Variants in FNIP2 observed in about 807,000 individuals in gnomAD.
FNIP2 encodes the protein folliculin-interacting protein 2.
FNIP2 carries 32 observed loss-of-function variants against 108.7 expected under a neutral mutation model. The ratio of observed to expected loss-of-function variants is 0.29; its 90% CI spans 0.22 to 0.40. FNIP2 has a LOEUF of 0.40. Ranked by LOEUF, FNIP2 falls within the 10% of genes least tolerant of loss-of-function variation. The pLI is 1.00. For synonymous variants in FNIP2, 480 were observed against 496.7 expected (o/e 0.97, Z 0.45); for missense variants, 1,202 against 1,381.6 (o/e 0.87, Z 2.06).
Position 158,825,940 on chromosome 4 carries a change from G to T in FNIP2, c.132G>T (p.Leu44=). Residue 44 remains leucine, a synonymous_variant, in exon 2 of 17, where the codon CTG becomes CTT. Coordinates refer to ENST00000264433, the MANE Select transcript of FNIP2 (RefSeq NM_020840.3). ...AFSWSCSEFD[L]NEIRLIVYQD... ...GTTGGTCATGTTCGGAGTTTGACCTGAATGAGATTCGCCTGATAGTTTACC... is the reference window on the plus strand; with the variant it reads ...GTTGGTCATGTTCGGAGTTTGACCTTAATGAGATTCGCCTGATAGTTTACC... 1.2e-6 allele frequency: 2 copies of T among 1,608,054 alleles called. No homozygotes were observed. The highest frequency in any genetic ancestry group is 2.2e-5 in the South Asian group (2 of 90,996).
At chr4:158,798,555 A>G (rs1776662977) in intron 1 of FNIP2, among the ~76,000 whole-genome samples, 1 of 152,188 alleles carries the variant, frequency 6.6e-6, no homozygotes, top group Non-Finnish European at 1.5e-5. Flanking sequence ...TGCCACTATC[A>G]TGTAAACTTC....
chr4:158,806,072 A>G (rs1776939682), intron 1 of FNIP2: 7 of 992,104 alleles, frequency 7.1e-6, no homozygotes, highest in Admixed American at 5.1e-5. Flanking sequence ...GAAAGGGGAA[A>G]TTAGTACACT....
At chr4:158,834,007 A>T in intron 6 of FNIP2, 1 of 591,530 alleles carries the variant, frequency 1.7e-6, no homozygotes. Flanking sequence ...TTGTGATCAC[A>T]GATATTGGTT....
intron 1 of FNIP2, among the ~76,000 whole-genome samples, chr4:158,802,505 C>T (rs1776796813): frequency 6.6e-6 from 1 of 152,062 alleles, no homozygotes; most frequent in Admixed American, 6.5e-5. Flanking sequence ...GATTTTTCTC[C>T]TCCAAGCTAC....
At chr4:158,812,326 C>T (rs1777323287) in intron 1 of FNIP2, among the ~76,000 whole-genome samples, 1 of 152,112 alleles carries the variant, frequency 6.6e-6, no homozygotes, top group Non-Finnish European at 1.5e-5. Flanking sequence ...TGTGTGAGGA[C>T]TGACCCTCCT....
chr4:158,901,256 C>T (rs1391490465), intron 16 of FNIP2, among the ~76,000 whole-genome samples: 5 of 151,436 alleles, frequency 3.3e-5, no homozygotes, highest in Non-Finnish European at 5.9e-5. Context: ...CCTCAGCGTC[C>T]AGAGTAGCTG....
At chr4:158,901,985 C>A (rs569933874) in intron 16 of FNIP2, among the ~76,000 whole-genome samples, 109 of 152,172 alleles carry the variant, frequency 7.2e-4, no homozygotes, top group African/African-American at 2.5e-3. Context: ...AAGCCTACTT[C>A]TGTCAATTCA....
chr4:158,843,496 C>T (rs1269088277), intron 7 of FNIP2, among the ~76,000 whole-genome samples: 1 of 152,146 alleles, frequency 6.6e-6, no homozygotes, highest in Non-Finnish European at 1.5e-5. Context: ...TATCCCTGAT[C>T]TCACAGATTT....
At chr4:158,787,081 G>A (rs142928634) in intron 1 of FNIP2, among the ~76,000 whole-genome samples, 237 of 152,222 alleles carry the variant, frequency 1.6e-3, no homozygotes, top group African/African-American at 5.3e-3. Flanking sequence ...AAGTCTAGGA[G>A]GGGAGGAACT....
chr4:158,892,044 A>G (rs921549519), intron 15 of FNIP2, among the ~76,000 whole-genome samples: 1 of 152,150 alleles, frequency 6.6e-6, no homozygotes, highest in Non-Finnish European at 1.5e-5. Flanking sequence ...CATTTTCACA[A>G]AGGTGTTAAG....
intron 1 of FNIP2, among the ~76,000 whole-genome samples, chr4:158,818,092 G>A (rs1342083631): frequency 6.6e-6 from 1 of 152,236 alleles, no homozygotes; most frequent in Non-Finnish European, 1.5e-5. Flanking sequence ...AAGGAAGGAA[G>A]AAATTCTGTC....
chr4:158,829,295 A>G (rs1778334058), intron 3 of FNIP2, 70 bp downstream of exon 3: 1 of 1,376,274 alleles, frequency 7.3e-7, no homozygotes, highest in Non-Finnish European at 9.8e-7. Flanking sequence ...TCCTTGGGAA[A>G]TAATGCCTGC....
At chr4:158,870,061 C>G (rs941285283) in intron 13 of FNIP2, among the ~76,000 whole-genome samples, 1 of 152,204 alleles carries the variant, frequency 6.6e-6, no homozygotes, top group Non-Finnish European at 1.5e-5. Context: ...CACAGACTGC[C>G]TGGTGGATGT....
At chr4:158,895,530 T>A (rs1003261433) in intron 15 of FNIP2, among the ~76,000 whole-genome samples, 2 of 152,240 alleles carry the variant, frequency 1.3e-5, no homozygotes, top group African/African-American at 2.4e-5. Flanking sequence ...AATACATATG[T>A]AAATCTTAAT....
At chr4:158,791,804 G>A (rs918176660) in intron 1 of FNIP2, among the ~76,000 whole-genome samples, 4 of 152,192 alleles carry the variant, frequency 2.6e-5, no homozygotes, top group African/African-American at 9.6e-5. Flanking sequence ...CAGTCTGAGG[G>A]TTATATACAT....
intron 14 of FNIP2, chr4:158,871,339 G>A (rs979355004): frequency 2.1e-6 from 2 of 958,722 alleles, no homozygotes; most frequent in Non-Finnish European, 2.5e-6. Flanking sequence ...TTGTGCAATA[G>A]GGAAAGTCCT....
chr4:158,860,492 TAAGTC>T (rs1780219878), intron 10 of FNIP2, among the ~76,000 whole-genome samples: 1 of 152,080 alleles, frequency 6.6e-6, no homozygotes, highest in African/African-American at 2.4e-5. Flanking sequence ...TGCTAAGACT[TAAGTC>T]ATATATTTGA....
intron 1 of FNIP2, among the ~76,000 whole-genome samples, chr4:158,812,029 G>C (rs556474640): frequency 6.6e-6 from 1 of 152,212 alleles, no homozygotes; most frequent in Non-Finnish European, 1.5e-5. Flanking sequence ...GAAAGTAAAT[G>C]ATCCTTCGTG....
chr4:158,871,173 G>A (rs776512361), intron 14 of FNIP2, among the ~76,000 whole-genome samples: 2 of 152,186 alleles, frequency 1.3e-5, no homozygotes, highest in Non-Finnish European at 2.9e-5. Context: ...TGAAAAAATT[G>A]CCTCGTGGCT....
Sources: gnomAD v4.1 joint callset for allele counts (sites outside exome capture counted in the v4.1 genomes callset) on GRCh38, gnomAD v4.1.1 for gene constraint, MANE v1.5 for transcripts, NCBI Gene and HGNC (gene_info 2026-07-23, HGNC 2026-07-21) for gene names.